UGT2A3: variants seen among roughly 807,000 people sequenced by gnomAD.
The protein encoded by UGT2A3 is UDP-glucuronosyltransferase 2A3.
A neutral mutation model predicts 44.1 loss-of-function variants in UGT2A3; 55 were observed. The ratio of observed to expected loss-of-function variants is 1.25; its 90% CI spans 1.00 to 1.56. The LOEUF (loss-of-function observed/expected upper bound fraction) is 1.56, where lower values mean the gene tolerates loss of function less well. Ranked by LOEUF, UGT2A3 falls within the 40% of genes most tolerant of loss-of-function variation. The pLI is 0.00. For synonymous variants in UGT2A3, 243 were observed against 215.1 expected (o/e 1.13, Z -1.13); for missense variants, 733 against 621.6 (o/e 1.18, Z -1.91).
intron 3 of UGT2A3, 31 bp downstream of exon 3, chr4:68,932,597 G>A: frequency 1.3e-5 from 20 of 1,586,674 alleles, no homozygotes; most frequent in Non-Finnish European, 1.6e-5. Flanking sequence ...TATGTGAATA[G>A]CTGCTTATCA....
In UGT2A3 at chr4:68,929,918, C is replaced by A; in HGVS notation, c.1479G>T (p.Gly493=). ...CAGTTGCCACACAGGCCAGCAGGAA[C>A]CCAATCACATCTATAGAGTAGTGCT... ...WFQHYSIDVI[G]FLLACVATAI... is the part of the protein sequence containing the mutation. Residue 493 remains glycine, a synonymous_variant, in exon 6 of 6, where the codon GGG becomes GGT. Transcript: ENST00000251566. The A allele has an allele frequency of 1.2e-6, 2 of 1,613,476 alleles. No homozygotes were observed. Among genetic ancestry groups the A allele is most frequent in the Non-Finnish European group, 1.7e-6 (2 of 1,179,598 alleles).
At chr4:68,935,581 A>G (rs1465969497) in intron 2 of UGT2A3, among the ~76,000 whole-genome samples, 3 of 151,958 alleles carry the variant, frequency 2.0e-5, no homozygotes, top group African/African-American at 7.2e-5. Context: ...GACCAAAGGT[A>G]GATAAAACCA....
intron 1 of UGT2A3, among the ~76,000 whole-genome samples, chr4:68,948,439 CTTTT>C (rs60082800): frequency 4.3e-4 from 47 of 110,148 alleles, no homozygotes; most frequent in Middle Eastern, 5.1e-3. Context: ...TCTTTTTTTT[CTTTT>C]TTTTTTTTTT....
In UGT2A3 at chr4:68,939,604, A is replaced by G. The variant is rs143059412; in HGVS notation, c.864+5702T>C. On this transcript the variant is annotated intron_variant, in intron 2 of 5. Coordinates refer to ENST00000251566, the MANE Select transcript of UGT2A3 (RefSeq NM_024743.4). ...GAAACCATAAAAATCCTAGAAGAAA[A>G]CCTAGGCTATACCACTGAGGACTTA... Among the ~76,000 whole-genome samples the G allele has an allele frequency of 5.4e-3, 829 of 152,240 alleles. 10 individuals are homozygous for G. The highest frequency in any genetic ancestry group is 0.019 in the African/African-American group (791 of 41,550).
chr4:68,948,902 A>T (rs1372478449), intron 1 of UGT2A3, among the ~76,000 whole-genome samples: 2 of 151,824 alleles, frequency 1.3e-5, no homozygotes, highest in Non-Finnish European at 2.9e-5. Context: ...GAGGCATGGC[A>T]CCAACATCTG....
chr4:68,949,117 A>G (rs1029849411), intron 1 of UGT2A3, among the ~76,000 whole-genome samples: 17 of 151,782 alleles, frequency 1.1e-4, no homozygotes, highest in African/African-American at 3.9e-4. Flanking sequence ...ACTCATAAGG[A>G]ATCTACCCTC....
intron 2 of UGT2A3, among the ~76,000 whole-genome samples, chr4:68,943,613 T>C (rs1201608742): frequency 6.6e-6 from 1 of 151,746 alleles, no homozygotes; most frequent in Non-Finnish European, 1.5e-5. Context: ...AATTTTATGT[T>C]GTCTGGCTAT....
At chr4:68,930,451 C>A in intron 5 of UGT2A3, 95 bp downstream of exon 5, 1 of 1,191,350 alleles carries the variant, frequency 8.4e-7, no homozygotes. Context: ...GAGTAAAATC[C>A]CTCAACATGT....
Position 68,951,236 on chromosome 4 carries a change from T to G in UGT2A3, c.525A>C (p.Gly175=). The change falls in exon 1 of 6, where the codon GGA becomes GGC. Residue 175 remains glycine, a synonymous_variant. Coordinates refer to ENST00000251566, the MANE Select transcript of UGT2A3 (RefSeq NM_024743.4). ...TCCCACAGCTTCGCTCCATATTGCC[T>G]CCTACAGAAATTCTAAGTGTGAGCA... ...PFVLTLRISV[G]GNMERSCGKL... The G allele has an allele frequency of 6.2e-7, 1 of 1,611,636 alleles. No homozygotes were observed. Among genetic ancestry groups the G allele is most frequent in the Non-Finnish European group, 8.5e-7 (1 of 1,178,878 alleles).
At chr4:68,946,113 CT>C (rs1187512080) in intron 1 of UGT2A3, among the ~76,000 whole-genome samples, 1 of 151,582 alleles carries the variant, frequency 6.6e-6, no homozygotes, top group Non-Finnish European at 1.5e-5. Context: ...CATACACTTA[CT>C]TTAGTGTTTC....
In UGT2A3 at chr4:68,929,430, C is replaced by A. The variant is rs1717635012; in HGVS notation, c.*383G>T. The A allele has an allele frequency of 6.3e-6, 1 of 158,398 alleles. No individual in the cohort carries two copies. Among genetic ancestry groups the A allele is most frequent in the Non-Finnish European group, 1.4e-5 (1 of 72,426 alleles). 9.8% of individuals were successfully genotyped at this position (158,398 alleles called of 1,614,324 possible). On this transcript the variant is annotated 3_prime_UTR_variant, in exon 6 of 6. Coordinates refer to ENST00000251566, the MANE Select transcript of UGT2A3 (RefSeq NM_024743.4). ...ACACTTACCTGATTTGTGTGGTTTA[C>A]TGAATTTTGTGAATTTTAAGTTTTT...
In UGT2A3 at chr4:68,929,647, A is replaced by G; in HGVS notation, c.*166T>C. 6.7e-6 allele frequency: 4 copies of G among 599,550 alleles called. No homozygotes were observed. The highest frequency in any genetic ancestry group is 1.1e-5 in the Non-Finnish European group (4 of 357,164). The allele number at this position is 599,550 out of a possible 1,614,324, so 37.1% of individuals were successfully genotyped here. A position where few individuals can be genotyped will look rare whatever the true frequency, so the allele number is the denominator to read the frequency against. On this transcript the variant is annotated 3_prime_UTR_variant, in exon 6 of 6. Transcript: ENST00000251566. ...TAAAGACACCTAGGAAAATACAACG[A>G]AAGAATGAGATATACTCACAACCTC...
intron 5 of UGT2A3, 36 bp downstream of exon 5, chr4:68,930,510 A>T: frequency 2.0e-6 from 3 of 1,513,008 alleles, no homozygotes; most frequent in Non-Finnish European, 2.7e-6. Flanking sequence ...TAACATAGTC[A>T]ATGTTAGATC....
At chr4:68,936,760 G>C (rs969766421) in intron 2 of UGT2A3, among the ~76,000 whole-genome samples, 1 of 151,862 alleles carries the variant, frequency 6.6e-6, no homozygotes, top group Non-Finnish European at 1.5e-5. Flanking sequence ...AAGAGACACA[G>C]ACTGGCAAAT....
chr4:68,937,828 G>T (rs185638238), intron 2 of UGT2A3, among the ~76,000 whole-genome samples: 1 of 152,028 alleles, frequency 6.6e-6, no homozygotes, highest in East Asian at 1.9e-4. Context: ...GACAAATAAA[G>T]AATAAAATAG....
At chr4:68,943,490 C>T (rs1383214436) in intron 2 of UGT2A3, 1 of 322,116 alleles carries the variant, frequency 3.1e-6, no homozygotes, top group African/African-American at 2.3e-5. Flanking sequence ...TGAAACCTTC[C>T]TTATAGGATT....
rs1273757961 is a variant in UGT2A3, at chr4:68,951,441, A to C, written c.320T>G (p.Val107Gly). Residue 107 changes from valine to glycine, a missense_variant, in exon 1 of 6, where the codon GTT (valine) becomes GGT (glycine). By Grantham distance (109) the Val-to-Gly change is moderately radical. Transcript: ENST00000251566. The stretch of plus-strand genomic sequence containing the variant: ...AACAAAAAAATCATTTAATTTTATA[A>C]CTGATTGCCAGGTTGATAAGCCTGG... ...VLPGLSTWQSVIKLNDFFVEI... is the reference protein window; with the variant it reads ...VLPGLSTWQSGIKLNDFFVEI... 2.5e-6 allele frequency: 4 copies of C among 1,611,712 alleles called. No homozygotes were observed. Among genetic ancestry groups the C allele is most frequent in the Non-Finnish European group, 3.4e-6 (4 of 1,179,058 alleles).
intron 2 of UGT2A3, among the ~76,000 whole-genome samples, chr4:68,940,233 A>G (rs1213229165): frequency 6.6e-6 from 1 of 152,164 alleles, no homozygotes; most frequent in Non-Finnish European, 1.5e-5. Context: ...ATGTTGCTAT[A>G]AAGACACATG....
intron 1 of UGT2A3, 50 bp from the exon 2 acceptor site, chr4:68,945,504 ATTGTATCACT>A: frequency 6.7e-7 from 1 of 1,482,584 alleles, no homozygotes; most frequent in Non-Finnish European, 9.0e-7. Context: ...CAAATAAAAA[ATTGTATCACT>A]AATTTTTCAG....
Sources: gnomAD v4.1 joint callset for allele counts (sites outside exome capture counted in the v4.1 genomes callset) on GRCh38, gnomAD v4.1.1 for gene constraint, MANE v1.5 for transcripts, NCBI Gene and HGNC (gene_info 2026-07-23, HGNC 2026-07-21) for gene names.